Variants in AMY2B observed in about 807,000 individuals in gnomAD.
AMY2B encodes alpha-amylase 2B.
AMY2B carries 63 observed loss-of-function variants against 59.3 expected under a neutral mutation model. The observed-to-expected ratio is 1.06, with a 90% CI of 0.87 to 1.31. AMY2B has a LOEUF of 1.31. AMY2B is among the 50% of genes most tolerant of loss of function. AMY2B has a pLI of 0.00. For synonymous variants in AMY2B, 180 were observed against 198.1 expected, an observed-to-expected ratio of 0.91 and a Z score of 0.77; for missense variants, 635 against 626.7, an observed-to-expected ratio of 1.01 and a Z score of -0.14.
rs553878317 is a variant in AMY2B, at chr1:103,559,936, C to T, written c.-207+4827C>T. ...CACTACGTTTAGTCTACAGAATTAC[C>T]TATGTGTAAACATGTATACAGATGT... On this transcript the variant is annotated intron_variant, in intron 1 of 11. Coordinates refer to the AMY2B transcript ENST00000361355. 6.6e-5 allele frequency among the ~76,000 whole-genome samples: 10 copies of T among 152,214 alleles called. No homozygotes were observed. In the East Asian group the frequency reaches 1.9e-3, roughly 29 times the overall value.
upstream of AMY2B, among the ~76,000 whole-genome samples, chr1:103,567,455 C>A (rs1365319436): frequency 6.6e-6 from 1 of 152,074 alleles, no homozygotes; most frequent in Non-Finnish European, 1.5e-5. Flanking sequence ...AAAATGGTAT[C>A]ATCCCCAAAT....
At chr1:103,567,557 C>G (rs1651949576), upstream of AMY2B, among the ~76,000 whole-genome samples, 1 of 152,112 alleles carries the variant, frequency 6.6e-6, no homozygotes, top group South Asian at 2.1e-4. Flanking sequence ...CTTGTCTATG[C>G]CCTAGTCCAA....
intron 9 of AMY2B, among the ~76,000 whole-genome samples, chr1:103,578,795 G>A (rs1156486508): frequency 7.2e-6 from 1 of 138,108 alleles, no homozygotes; most frequent in Admixed American, 8.0e-5. Flanking sequence ...GGGGAAAAAA[G>A]GAGATTAAAA....
At chr1:103,555,084 A>G (rs891061513) in exon 1 of AMY2B, 2 of 152,042 alleles carry the variant, frequency 1.3e-5, no homozygotes, top group African/African-American at 4.8e-5. Context: ...TGAGAGGAAG[A>G]AATTGACCAC....
chr1:103,566,504 A>C (rs1383331952), intron 2 of AMY2B, among the ~76,000 whole-genome samples: 1 of 152,198 alleles, frequency 6.6e-6, no homozygotes, highest in Non-Finnish European at 1.5e-5. Flanking sequence ...AAACATCATA[A>C]AAATATATTT....
At chr1:103,576,569 G>A (rs1279171150) in intron 7 of AMY2B, among the ~76,000 whole-genome samples, 1 of 151,678 alleles carries the variant, frequency 6.6e-6, no homozygotes, top group Non-Finnish European at 1.5e-5. Context: ...AACTTCCTAG[G>A]GTTACTCTGG....
Position 103,573,265 on chromosome 1 carries a change from ATT to A in AMY2B, c.513+11_513+12del, listed in dbSNP as rs748768673. ...AACTACAATGATGCTACTCAGGTAA[ATT>A]TTTTTATGAGAGTCATCTGAATAAG... On this transcript the variant is annotated splice_donor_region_variant and intron_variant, in intron 3 of 9. Coordinates refer to ENST00000684275, the MANE Select transcript of AMY2B (RefSeq NM_001387437.1). 8 of 1,613,366 alleles carry A rather than the reference ATT, an allele frequency of 5.0e-6. No individual in the cohort carries two copies. The Admixed American group carries it at 1.2e-4, about 24-fold the overall frequency.
At chr1:103,577,096 G>A (rs191998504) in intron 7 of AMY2B, among the ~76,000 whole-genome samples, 2 of 152,184 alleles carry the variant, frequency 1.3e-5, no homozygotes, top group East Asian at 3.9e-4. Context: ...AAATTAGCTG[G>A]TTGCGGTGGT....
rs1338900328 is a variant in AMY2B at position 103,573,725 on chromosome 1, G to A, written c.531G>A (p.Leu177=). 6.2e-7 allele frequency: 1 copy of A among 1,613,702 alleles called. No individual in the cohort carries two copies. The highest frequency in any genetic ancestry group is 1.3e-5 in the African/African-American group (1 of 75,026). ...CTCAACAGGTCAGAGATTGTCGTCTGGTTGGTCTTCTTGATCTTGCACTGG... is the reference window on the plus strand; with the variant it reads ...CTCAACAGGTCAGAGATTGTCGTCTAGTTGGTCTTCTTGATCTTGCACTGG... ...NDATQVRDCR[L]VGLLDLALEK... The change falls in exon 4 of 10, where the codon CTG becomes CTA. Residue 177 remains leucine (L), a synonymous_variant. Coordinates refer to ENST00000684275, the MANE Select transcript of AMY2B (RefSeq NM_001387437.1).
chr1:103,579,159 A>G (rs965422647), intron 9 of AMY2B, 152 bp from the exon 10 acceptor site: 120 of 1,494,460 alleles, frequency 8.0e-5, no homozygotes, highest in Non-Finnish European at 9.9e-5. Context: ...CTAGAAAGCT[A>G]TTTACAACTA....
At chr1:103,573,293 G>C in intron 3 of AMY2B, 33 bp downstream of exon 3, 1 of 1,613,048 alleles carries the variant, frequency 6.2e-7, no homozygotes, top group Non-Finnish European at 8.5e-7. Context: ...TCTGAATAAG[G>C]GGTGATATAT....
chr1:103,562,350 C>G (rs1651759562), intron 1 of AMY2B, among the ~76,000 whole-genome samples: 2 of 152,174 alleles, frequency 1.3e-5, no homozygotes, highest in South Asian at 2.1e-4. Flanking sequence ...TTTCTTTTCT[C>G]TAACCTTTAC....
upstream of AMY2B, chr1:103,569,896 CAGAGAGAAG>C (rs1652053315): frequency 4.3e-6 from 2 of 464,390 alleles, no homozygotes; most frequent in African/African-American, 2.0e-5. Context: ...TCAAGGCCAA[CAGAGAGAAG>C]ATGACTCAGA....
upstream of AMY2B, chr1:103,571,469 G>A (rs1371203754): frequency 1.3e-6 from 2 of 1,495,018 alleles, no homozygotes; most frequent in East Asian, 2.3e-5. Context: ...GATTATTATT[G>A]ATAATCCTTT....
intron 1 of AMY2B, among the ~76,000 whole-genome samples, chr1:103,558,905 T>C (rs1651647064): frequency 6.6e-6 from 1 of 150,546 alleles, no homozygotes; most frequent in Non-Finnish European, 1.5e-5. Flanking sequence ...ACTGAACATG[T>C]ATTGAGTTTT....
chr1:103,571,192 C>T, upstream of AMY2B: 1 of 793,446 alleles, frequency 1.3e-6, no homozygotes, highest in African/African-American at 1.9e-5. Context: ...CTGTTACTCG[C>T]CTTGAGTTGG....
At chr1:103,570,543 C>A, upstream of AMY2B, 1 of 607,538 alleles carries the variant, frequency 1.6e-6, no homozygotes. Context: ...GATCGCATCC[C>A]CAGAGCACAA....
At position 103,574,490 on chromosome 1, in the gene AMY2B, A is replaced by G. The variant is rs1201665861; in HGVS notation, c.878+97A>G. On this transcript the variant is annotated intron_variant, in intron 5 of 9. Transcript: ENST00000684275. ...CTTCTGGAACATTCTTTTTCAGACAACTATCAAGGAGTCAATTGTTAATGA... is the reference window on the plus strand; with the variant it reads ...CTTCTGGAACATTCTTTTTCAGACAGCTATCAAGGAGTCAATTGTTAATGA... The G allele has an allele frequency of 6.3e-6, 10 of 1,593,796 alleles. No homozygotes were observed. In the East Asian group the frequency reaches 6.7e-5, roughly 11 times the overall value.
rs758698996 is a variant in AMY2B, at chr1:103,572,177, C to G, written c.236C>G (p.Pro79Arg). The G allele has an allele frequency of 6.8e-6, 11 of 1,611,628 alleles. No homozygotes were observed. In the East Asian group the frequency reaches 1.1e-4, roughly 16 times the overall value. Reference protein sequence around the residue: ...PFRPWWERYQPVSYKLCTRSG... With the variant: ...PFRPWWERYQRVSYKLCTRSG... ...AGACCTTGGTGGGAAAGATACCAAC[C>G]AGTTAGCTATAAATTATGCACAAGA... The change falls in exon 2 of 10, where the codon CCA becomes CGA. Residue 79 changes from proline to arginine, a missense_variant. Pro to Arg is a moderately radical substitution (Grantham distance 103). Transcript: ENST00000684275.
Sources: allele counts gnomAD v4.1 joint callset (sites outside exome capture counted in the v4.1 genomes callset), GRCh38; gene constraint gnomAD v4.1.1; transcripts MANE v1.5; gene names NCBI Gene and HGNC (gene_info 2026-07-23, HGNC 2026-07-21).